PTPRD: variants seen among roughly 807,000 people sequenced by gnomAD.
The protein encoded by PTPRD is receptor-type tyrosine-protein phosphatase delta.
PTPRD carries 34 observed loss-of-function variants against 214.5 expected under a neutral mutation model. The ratio of observed to expected loss-of-function variants is 0.16; its 90% confidence interval spans 0.12 to 0.21. The LOEUF (loss-of-function observed/expected upper bound fraction) is 0.21, where lower values mean the gene tolerates loss of function less well. Ranked by LOEUF, PTPRD falls within the 10% of genes least tolerant of loss-of-function variation. PTPRD has a pLI of 1.00. For synonymous variants in PTPRD, 1,128 were observed against 845.7 expected, an observed-to-expected ratio of 1.33 and a Z score of -5.79; for missense variants, 2,545 against 2,398.7, an observed-to-expected ratio of 1.06 and a Z score of -1.27.
chr9:8,474,395 C>A (rs2096721769), intron 30 of PTPRD, among the ~76,000 whole-genome samples: 1 of 152,150 alleles, frequency 6.6e-6, no homozygotes, highest in Non-Finnish European at 1.5e-5. Flanking sequence ...CCACGTACCA[C>A]TGAAGCTCTC....
intron 14 of PTPRD, among the ~76,000 whole-genome samples, chr9:8,584,332 C>G (rs142120788): frequency 1.0e-3 from 156 of 152,128 alleles, no homozygotes; most frequent in African/African-American, 3.5e-3. Flanking sequence ...CTGGTCACAT[C>G]TTGCAACCAA....
intron 8 of PTPRD, among the ~76,000 whole-genome samples, chr9:9,539,577 T>G (rs983710993): frequency 6.6e-6 from 1 of 151,888 alleles, no homozygotes; most frequent in Non-Finnish European, 1.5e-5. Context: ...AGAAACACGC[T>G]GTCTTTAACT....
chr9:9,810,151 C>CAAAAAAAA (rs1555141528), intron 5 of PTPRD, among the ~76,000 whole-genome samples: 7 of 73,216 alleles, frequency 9.6e-5, no homozygotes, highest in African/African-American at 1.7e-4. Context: ...AAAAAAAAAG[C>CAAAAAAAA]AAATATATTT....
chr9:9,251,394 T>A (rs2099975432), intron 9 of PTPRD, among the ~76,000 whole-genome samples: 1 of 152,136 alleles, frequency 6.6e-6, no homozygotes, highest in Non-Finnish European at 1.5e-5. Context: ...TACATATTCA[T>A]ACATACTTGC....
rs80051525 is a variant in PTPRD at position 10,060,839 on chromosome 9, C to T, written c.-544-27049G>A. 8.9e-4 allele frequency among the ~76,000 whole-genome samples: 99 copies of T among 110,928 alleles called. 5 individuals are homozygous for T. Among genetic ancestry groups the T allele is most frequent in the African/African-American group, 6.6e-3 (77 of 11,692 alleles). The allele number at this position is 110,928 out of a possible 152,430, so 72.8% of individuals were successfully genotyped here. A position where few individuals can be genotyped will look rare whatever the true frequency, so the allele number is the denominator to read the frequency against. The stretch of plus-strand genomic sequence containing the variant: ...TTCTTTCTTTCTTTCTTCCTTCCTT[C>T]CTTCCTTTCCTTTCTTTCTTCCTTC... On this transcript the variant is annotated intron_variant, in intron 3 of 45. Coordinates refer to ENST00000381196, the MANE Select transcript of PTPRD (RefSeq NM_002839.4).
chr9:8,480,816 AAT>A (rs1189273081), intron 30 of PTPRD, among the ~76,000 whole-genome samples: 1 of 152,142 alleles, frequency 6.6e-6, no homozygotes, highest in Non-Finnish European at 1.5e-5. Flanking sequence ...AAATTACACA[AAT>A]ACTCCATTCT....
rs1214888396 is a variant in PTPRD, at chr9:8,525,050, A to G, written c.569-15T>C. Reference sequence around the variant, plus strand: ...CTGAAGGGCTCCTGTATGGATATAAAATATATTGCCAAAGAGATGATCAGA... The same window carrying G: ...CTGAAGGGCTCCTGTATGGATATAAGATATATTGCCAAAGAGATGATCAGA... On this transcript the variant is annotated splice_polypyrimidine_tract_variant and intron_variant, in intron 17 of 45. Coordinates refer to ENST00000381196, the MANE Select transcript of PTPRD (RefSeq NM_002839.4). 1 of 1,594,460 alleles carries G rather than the reference A, an allele frequency of 6.3e-7. No homozygotes were observed. The highest frequency in any genetic ancestry group is 8.6e-7 in the Non-Finnish European group (1 of 1,162,424).
chr9:9,885,634 G>A (rs1450199575), intron 5 of PTPRD, among the ~76,000 whole-genome samples: 1 of 152,004 alleles, frequency 6.6e-6, no homozygotes, highest in Non-Finnish European at 1.5e-5. Flanking sequence ...TAGTTTTAGA[G>A]AATGAAATGT....
intron 11 of PTPRD, among the ~76,000 whole-genome samples, chr9:8,994,146 C>T (rs1323922195): frequency 6.6e-6 from 1 of 152,102 alleles, no homozygotes; most frequent in Non-Finnish European, 1.5e-5. Flanking sequence ...GATCTCTGTT[C>T]TAGAAACATC....
At chr9:10,086,951 T>A (rs1341371066) in intron 3 of PTPRD, among the ~76,000 whole-genome samples, 2 of 151,790 alleles carry the variant, frequency 1.3e-5, no homozygotes, top group African/African-American at 2.4e-5. Flanking sequence ...TAGGAAATAT[T>A]AAGACTGTGA....
chr9:10,485,053 A>T (rs545738070), intron 2 of PTPRD, among the ~76,000 whole-genome samples: 32 of 151,722 alleles, frequency 2.1e-4, no homozygotes, highest in South Asian at 2.1e-4. Context: ...ATGAAAGGAG[A>T]TAGAGGTCTA....
chr9:9,043,320 C>G lies in PTPRD; in HGVS notation c.-142-24585G>C, dbSNP rs149537232. Among the ~76,000 whole-genome samples the G allele has an allele frequency of 5.1e-3, 771 of 152,160 alleles. 5 individuals are homozygous for G. Among genetic ancestry groups the G allele is most frequent in the Non-Finnish European group, 8.9e-3 (602 of 68,002 alleles). On this transcript the variant is annotated intron_variant, in intron 10 of 45. Transcript: ENST00000381196. ...TTTTAATACCTGATGCTACATCAAC[C>G]CACATTAAAGAATTTTAAGAGCACC...
chr9:10,495,908 T>C (rs1190824174), intron 2 of PTPRD, among the ~76,000 whole-genome samples: 2 of 151,924 alleles, frequency 1.3e-5, no homozygotes, highest in Non-Finnish European at 2.9e-5. Flanking sequence ...TACTACCATA[T>C]AGAGAAATAC....
At chr9:10,125,392 T>A (rs1238872939) in intron 3 of PTPRD, among the ~76,000 whole-genome samples, 3 of 148,484 alleles carry the variant, frequency 2.0e-5, no homozygotes, top group Non-Finnish European at 4.5e-5. Flanking sequence ...ATCTTCTTTT[T>A]TATTTTTTAT....
chr9:9,931,175 A>T (rs888625508), intron 5 of PTPRD, among the ~76,000 whole-genome samples: 7 of 152,194 alleles, frequency 4.6e-5, no homozygotes, highest in African/African-American at 1.7e-4. Context: ...ATTGATTGTA[A>T]CAACAAGTTA....
intron 9 of PTPRD, among the ~76,000 whole-genome samples, chr9:9,304,386 T>C (rs969560512): frequency 3.9e-5 from 6 of 152,140 alleles, no homozygotes; most frequent in Admixed American, 1.3e-4. Context: ...ACATTCCCAT[T>C]TGGATGTTTC....
chr9:9,065,242 G>T (rs2099724914), intron 10 of PTPRD, among the ~76,000 whole-genome samples: 1 of 152,166 alleles, frequency 6.6e-6, no homozygotes, highest in Non-Finnish European at 1.5e-5. Context: ...GAAAAGGGGT[G>T]CCTTGGACTT....
At chr9:10,055,255 G>A (rs2097607588) in intron 3 of PTPRD, among the ~76,000 whole-genome samples, 1 of 152,108 alleles carries the variant, frequency 6.6e-6, no homozygotes, top group Non-Finnish European at 1.5e-5. Flanking sequence ...CTGGTCTGGT[G>A]CGACTTTTCT....
intron 6 of PTPRD, among the ~76,000 whole-genome samples, chr9:9,750,911 C>A (rs373447801): frequency 1.5e-4 from 23 of 152,150 alleles, no homozygotes; most frequent in African/African-American, 4.8e-4. Context: ...CAGGGCAGAA[C>A]AAGATTAATG....
Sources: gnomAD v4.1 joint callset for allele counts (sites outside exome capture counted in the v4.1 genomes callset) on GRCh38, gnomAD v4.1.1 for gene constraint, MANE v1.5 for transcripts, NCBI Gene and HGNC (gene_info 2026-07-23, HGNC 2026-07-21) for gene names.